ITGBL1: variants seen among roughly 807,000 people sequenced by gnomAD.
The protein encoded by ITGBL1 is integrin beta-like protein 1.
In ITGBL1, 51 loss-of-function variants were observed where a neutral mutation model predicts 68.5. The ratio of observed to expected loss-of-function variants is 0.74; its 90% CI spans 0.59 to 0.94. ITGBL1 has a LOEUF of 0.94. ITGBL1 is among the 40% of genes least tolerant of loss of function. ITGBL1 has a pLI of 0.00. For synonymous variants in ITGBL1, 209 were observed against 227.3 expected, an observed-to-expected ratio of 0.92 and a Z score of 0.72; for missense variants, 649 against 647.4, an observed-to-expected ratio of 1.00 and a Z score of -0.03.
At chr13:101,627,872 T>G (rs2031839856) in intron 7 of ITGBL1, among the ~76,000 whole-genome samples, 2 of 152,232 alleles carry the variant, frequency 1.3e-5, no homozygotes, top group Admixed American at 1.3e-4. Context: ...CTTGGTTGCT[T>G]CCAAGTTTCG....
chr13:101,473,561 C>T (rs1375178117), intron 2 of ITGBL1, among the ~76,000 whole-genome samples: 2 of 152,198 alleles, frequency 1.3e-5, no homozygotes, highest in Admixed American at 6.5e-5. Flanking sequence ...TTTAAATAAA[C>T]TTGAAAGACA....
chr13:101,581,765 T>C (rs1334724090), intron 5 of ITGBL1, among the ~76,000 whole-genome samples: 1 of 152,206 alleles, frequency 6.6e-6, no homozygotes, highest in African/African-American at 2.4e-5. Context: ...TTGTGTGTAC[T>C]TTTTCTTTCT....
intron 7 of ITGBL1, among the ~76,000 whole-genome samples, chr13:101,659,822 T>G (rs1362945831): frequency 6.6e-6 from 1 of 152,100 alleles, no homozygotes; most frequent in Non-Finnish European, 1.5e-5. Flanking sequence ...TGTGTAGGAG[T>G]GCAGATGCCA....
chr13:101,671,563 C>G (rs1287560507), intron 7 of ITGBL1, among the ~76,000 whole-genome samples: 2 of 149,702 alleles, frequency 1.3e-5, no homozygotes, highest in African/African-American at 2.5e-5. Context: ...CTCAGCCTCC[C>G]GAGTAGCTGG....
At chr13:101,488,986 A>G (rs180831941) in intron 2 of ITGBL1, among the ~76,000 whole-genome samples, 216 of 152,334 alleles carry the variant, frequency 1.4e-3, no homozygotes, top group African/African-American at 4.8e-3. Flanking sequence ...CCAAAACACC[A>G]CACTAAAGAA....
chr13:101,679,410 A>G (rs2033587382), intron 7 of ITGBL1, among the ~76,000 whole-genome samples: 1 of 152,222 alleles, frequency 6.6e-6, no homozygotes, highest in African/African-American at 2.4e-5. Flanking sequence ...AGTATTTCAT[A>G]GGACTTATGT....
intron 7 of ITGBL1, among the ~76,000 whole-genome samples, chr13:101,685,485 G>A (rs1318231504): frequency 6.6e-6 from 1 of 151,808 alleles, no homozygotes; most frequent in Non-Finnish European, 1.5e-5. Flanking sequence ...AATGATCTTG[G>A]CTCTTTATTA....
chr13:101,617,579 A>C (rs1346114077), intron 7 of ITGBL1, among the ~76,000 whole-genome samples: 1 of 152,208 alleles, frequency 6.6e-6, no homozygotes, highest in African/African-American at 2.4e-5. Flanking sequence ...ATCAAGTTTC[A>C]TTTGAAAGTC....
chr13:101,599,256 A>G (rs1287233147), intron 7 of ITGBL1, among the ~76,000 whole-genome samples: 3 of 151,788 alleles, frequency 2.0e-5, no homozygotes, highest in Non-Finnish European at 4.4e-5. Context: ...GTCTGTTCAT[A>G]TCCTTTGCCC....
At chr13:101,676,354 A>G (rs1409913321) in intron 7 of ITGBL1, among the ~76,000 whole-genome samples, 1 of 152,152 alleles carries the variant, frequency 6.6e-6, no homozygotes, top group Non-Finnish European at 1.5e-5. Context: ...ATATAGATAT[A>G]GATATATATC....
At chr13:101,465,974 G>A (rs2048377046) in intron 2 of ITGBL1, among the ~76,000 whole-genome samples, 1 of 152,178 alleles carries the variant, frequency 6.6e-6, no homozygotes, top group Non-Finnish European at 1.5e-5. Flanking sequence ...CAGAGGTAGT[G>A]ATGTTACTGA....
At chr13:101,704,037 A>C (rs1185364167) in intron 8 of ITGBL1, among the ~76,000 whole-genome samples, 1 of 152,082 alleles carries the variant, frequency 6.6e-6, no homozygotes, top group East Asian at 1.9e-4. Context: ...AATTGCCCAC[A>C]AGTGTGTTGA....
chr13:101,639,543 T>C (rs2139426778), intron 7 of ITGBL1, among the ~76,000 whole-genome samples: 1 of 152,346 alleles, frequency 6.6e-6, no homozygotes, highest in South Asian at 2.1e-4. Context: ...TATTTACTTT[T>C]AAGATTTATT....
chr13:101,511,300 A>G (rs987687420), intron 2 of ITGBL1, among the ~76,000 whole-genome samples: 1 of 152,118 alleles, frequency 6.6e-6, no homozygotes, highest in Non-Finnish European at 1.5e-5. Context: ...ACTCTTAAAG[A>G]AACAGCCTTT....
Position 101,583,284 on chromosome 13 carries a change from G to A in ITGBL1, c.796G>A (p.Gly266Arg), listed in dbSNP as rs775230281. 7 of 1,612,522 alleles carry A rather than the reference G, an allele frequency of 4.3e-6. No homozygotes were observed. The South Asian group carries it at 7.7e-5, about 18-fold the overall frequency. Residue 266 changes from glycine (G) to arginine (R), a missense_variant, in exon 6 of 11, where the codon GGG becomes AGG. Physicochemically the swap from Gly to Arg is moderately radical, Grantham distance 125. Transcript: ENST00000376180. ...GACTGGGGACTGGGGAGATATTCAT[G>A]GGGACACCTGTGAATGTGATGAGAG... ...DPTGDWGDIHGDTCECDERDC... is the reference protein window; with the variant it reads ...DPTGDWGDIHRDTCECDERDC...
At chr13:101,480,357 T>A (rs1301677198) in intron 2 of ITGBL1, among the ~76,000 whole-genome samples, 1 of 151,860 alleles carries the variant, frequency 6.6e-6, no homozygotes, top group East Asian at 1.9e-4. Flanking sequence ...GAAGTGGGAA[T>A]GAGTAAAGTG....
chr13:101,597,490 C>A (rs1476466227), intron 6 of ITGBL1, among the ~76,000 whole-genome samples: 3 of 148,504 alleles, frequency 2.0e-5, no homozygotes, highest in Non-Finnish European at 3.0e-5. Context: ...GCCCTCCATG[C>A]AAATTAATTG....
chr13:101,540,534 G>A (rs575210080), intron 2 of ITGBL1, among the ~76,000 whole-genome samples: 2 of 152,224 alleles, frequency 1.3e-5, no homozygotes, highest in South Asian at 4.1e-4. Flanking sequence ...TTGGCAATGT[G>A]GGCTCTTTTT....
intron 7 of ITGBL1, 111 bp downstream of exon 7, chr13:101,598,410 G>GT (rs559190648): frequency 3.4e-5 from 27 of 804,196 alleles, no homozygotes; most frequent in Non-Finnish European, 4.5e-5. Context: ...CTGCTTTTTG[G>GT]TTTTTTTGTT....
Sources: allele counts gnomAD v4.1 joint callset (sites outside exome capture counted in the v4.1 genomes callset), GRCh38; gene constraint gnomAD v4.1.1; transcripts MANE v1.5; gene names NCBI Gene and HGNC (gene_info 2026-07-23, HGNC 2026-07-21).